The following PREX2 variants were observed in gnomAD, a reference collection of about 807,000 sequenced individuals.
PREX2 encodes the protein phosphatidylinositol-3,4,5-trisphosphate dependent Rac exchange factor 2, also known as phosphatidylinositol 3,4,5-trisphosphate-dependent Rac exchanger 2 protein.
Under a neutral mutation model 203.2 loss-of-function variants are expected in PREX2, and 107 were observed. The observed-to-expected ratio is 0.53, with a 90% CI of 0.45 to 0.62. The LOEUF is 0.62. PREX2 is among the 20% of genes least tolerant of loss of function. The pLI is 0.00. For missense variants in PREX2, 1,777 were observed against 1,955.9 expected (o/e 0.91, Z 1.72); for synonymous variants, 672 against 663.6 (o/e 1.01, Z -0.19).
chr8:68,152,290 A>G (rs1356804753), intron 34 of PREX2, among the ~76,000 whole-genome samples: 2 of 25,560 alleles, frequency 7.8e-5, no homozygotes, highest in Non-Finnish European at 1.4e-4. Context: ...CCTCTCAGAG[A>G]AAAAAAAAAA....
chr8:67,952,611 C>T (rs775983313), intron 1 of PREX2, 76 bp downstream of exon 1: 3 of 1,548,822 alleles, frequency 1.9e-6, no homozygotes, highest in South Asian at 1.2e-5. Context: ...GCGGGAAGGA[C>T]GCGCGGCATT....
At chr8:68,108,715 A>G (rs1810470613) in intron 24 of PREX2, among the ~76,000 whole-genome samples, 1 of 152,178 alleles carries the variant, frequency 6.6e-6, no homozygotes, top group South Asian at 2.1e-4. Flanking sequence ...GGATCAAACT[A>G]TCCTCTAGTT....
chr8:68,203,519 T>A (rs1020446583), intron 37 of PREX2, among the ~76,000 whole-genome samples: 2 of 152,164 alleles, frequency 1.3e-5, no homozygotes, highest in Admixed American at 6.5e-5. Context: ...GAGAAGGCTT[T>A]ACAGAGATAT....
chr8:68,223,747 A>C (rs1322032588), intron 38 of PREX2, among the ~76,000 whole-genome samples: 2 of 152,200 alleles, frequency 1.3e-5, no homozygotes, highest in African/African-American at 4.8e-5. Flanking sequence ...TTCATTGCCA[A>C]AGTAGATTTT....
chr8:68,125,578 G>A (rs1362158170), intron 30 of PREX2, among the ~76,000 whole-genome samples: 4 of 152,098 alleles, frequency 2.6e-5, no homozygotes, highest in Non-Finnish European at 5.9e-5. Context: ...ATTATATGGT[G>A]TCCCTAAGAC....
chr8:67,961,465 C>T (rs1312862223), intron 1 of PREX2, among the ~76,000 whole-genome samples: 2 of 151,818 alleles, frequency 1.3e-5, no homozygotes, highest in Admixed American at 6.6e-5. Flanking sequence ...ATTATATTAG[C>T]TATATTAAAA....
chr8:67,962,676 G>A (rs1185542484), intron 1 of PREX2, among the ~76,000 whole-genome samples: 4 of 150,760 alleles, frequency 2.7e-5, no homozygotes, highest in East Asian at 1.9e-4. Context: ...GCATGATCTC[G>A]GCTCACTGCA....
At chr8:68,203,597 A>G (rs1812550534) in intron 37 of PREX2, among the ~76,000 whole-genome samples, 1 of 152,196 alleles carries the variant, frequency 6.6e-6, no homozygotes, top group Non-Finnish European at 1.5e-5. Context: ...AGGAGCAGGT[A>G]TTCCAGGAGC....
chr8:68,153,766 C>T (rs1362787416), intron 34 of PREX2, among the ~76,000 whole-genome samples: 1 of 151,798 alleles, frequency 6.6e-6, no homozygotes, highest in Non-Finnish European at 1.5e-5. Flanking sequence ...TTGTTCATTC[C>T]CCACAACCCT....
chr8:68,089,483 C>T (rs1405262423), intron 19 of PREX2, among the ~76,000 whole-genome samples: 1 of 152,180 alleles, frequency 6.6e-6, no homozygotes, highest in East Asian at 1.9e-4. Flanking sequence ...TTCAACTCTC[C>T]AATCCTGTCT....
At chr8:67,975,995 C>T (rs755922777) in intron 1 of PREX2, among the ~76,000 whole-genome samples, 6 of 151,416 alleles carry the variant, frequency 4.0e-5, no homozygotes, top group Non-Finnish European at 7.4e-5. Flanking sequence ...GGATTACAGG[C>T]GTGAGTCACT....
intron 35 of PREX2, chr8:68,176,664 A>G (rs1174056701): frequency 1.3e-5 from 2 of 152,200 alleles, no homozygotes. Flanking sequence ...CCTAACCTAT[A>G]GAATGGCTAA....
intron 8 of PREX2, among the ~76,000 whole-genome samples, chr8:68,046,622 T>G (rs1359136612): frequency 6.6e-6 from 1 of 152,128 alleles, no homozygotes; most frequent in Non-Finnish European, 1.5e-5. Context: ...TGTCATAAAT[T>G]AGTTGTCCTA....
rs777945461 is a variant in PREX2, at chr8:68,083,258, G to T, written c.1897G>T (p.Gly633Trp). The T allele has an allele frequency of 1.3e-6, 2 of 1,591,508 alleles. No individual in the cohort carries two copies. The highest frequency in any genetic ancestry group is 1.7e-5 in the Admixed American group (1 of 59,162). Residue 633 changes from glycine (G) to tryptophan (W), a missense_variant, in exon 18 of 40, where the codon GGG becomes TGG. Physicochemically the swap from Gly to Trp is radical, Grantham distance 184 (BLOSUM62 -2). Coordinates refer to ENST00000288368, the MANE Select transcript of PREX2 (RefSeq NM_024870.4). ...CTCTTAGATGGCTGGCATGGAAGTC[G>T]GGAAAAAGATTTTTGCTATTAATGG... Reference protein sequence around the residue: ...SNAEMAGMEVGKKIFAINGDL... With the variant: ...SNAEMAGMEVWKKIFAINGDL...
chr8:68,034,476 T>C (rs1807975689), intron 6 of PREX2, among the ~76,000 whole-genome samples: 1 of 152,164 alleles, frequency 6.6e-6, no homozygotes, highest in African/African-American at 2.4e-5. Flanking sequence ...TTAATTCAGC[T>C]TTAAGTCCTT....
intron 1 of PREX2, among the ~76,000 whole-genome samples, chr8:67,985,987 T>C (rs1806407168): frequency 6.6e-6 from 1 of 152,178 alleles, no homozygotes; most frequent in South Asian, 2.1e-4. Context: ...CCACACATAG[T>C]TGTAGAAAGA....
At chr8:68,038,553 C>T (rs1415718211) in intron 7 of PREX2, among the ~76,000 whole-genome samples, 2 of 152,200 alleles carry the variant, frequency 1.3e-5, no homozygotes, top group South Asian at 2.1e-4. Flanking sequence ...AGGAGAGGTG[C>T]GGTTTGTTCC....
In PREX2 at chr8:68,097,038, C is replaced by A. The variant is rs780575205; in HGVS notation, c.2390C>A (p.Thr797Asn). ...KVEEVIDKFN[T>N]MAIIDGKKEH... ...CCAGAGGTTATTGACAAATTCAACA[C>A]TATGGCCATCATTGATGGGAAGAAG... The change falls in exon 22 of 40, where the codon ACT becomes AAT. Residue 797 changes from threonine (T) to asparagine (N), a missense_variant. Coordinates refer to ENST00000288368, the MANE Select transcript of PREX2 (RefSeq NM_024870.4). The A allele has an allele frequency of 1.9e-5, 31 of 1,613,574 alleles. No homozygotes were observed. The East Asian group carries it at 6.9e-4, about 36-fold the overall frequency.
At position 68,120,187 on chromosome 8, in the gene PREX2, T is replaced by G; in HGVS notation, c.3505-9T>G. The stretch of plus-strand genomic sequence containing the variant: ...AAATATGTAACTCGGAAATCTCTAC[T>G]ATTGATAGGTGGATTCAATTACCAA... On this transcript the variant is annotated splice_polypyrimidine_tract_variant and intron_variant, in intron 28 of 39. Coordinates refer to ENST00000288368, the MANE Select transcript of PREX2 (RefSeq NM_024870.4). 2 of 1,577,166 alleles carry G rather than the reference T, an allele frequency of 1.3e-6. No homozygotes were observed. The highest frequency in any genetic ancestry group is 2.2e-5 in the South Asian group (2 of 90,036).
Sources: allele counts gnomAD v4.1 joint callset (sites outside exome capture counted in the v4.1 genomes callset), GRCh38; gene constraint gnomAD v4.1.1; transcripts MANE v1.5; gene names NCBI Gene and HGNC (gene_info 2026-07-23, HGNC 2026-07-21).